EXOC2: variants seen among roughly 807,000 people sequenced by gnomAD.
EXOC2 encodes the protein exocyst complex component 2.
In EXOC2, 70 loss-of-function variants were observed where a neutral mutation model predicts 131.8. The ratio of observed to expected loss-of-function variants is 0.53; its 90% CI spans 0.44 to 0.65. The LOEUF is 0.65. Ranked by LOEUF, EXOC2 falls within the 30% of genes least tolerant of loss-of-function variation. The pLI, the probability that EXOC2 is intolerant of heterozygous loss-of-function variation, is 0.00. For missense variants in EXOC2, 923 were observed against 1,108.6 expected (o/e 0.83, Z 2.38); for synonymous variants, 411 against 398.4 (o/e 1.03, Z -0.38).
chr6:599,565 G>A (rs1200808291), intron 7 of EXOC2, among the ~76,000 whole-genome samples: 1 of 152,006 alleles, frequency 6.6e-6, no homozygotes, highest in African/African-American at 2.4e-5. Flanking sequence ...ATACAATAGG[G>A]TAAAACACAC....
At chr6:495,127 C>CTT (rs11335527) in intron 25 of EXOC2, among the ~76,000 whole-genome samples, 33 of 119,620 alleles carry the variant, frequency 2.8e-4, no homozygotes, top group Middle Eastern at 4.3e-3. Context: ...GGTGAACATT[C>CTT]TTTTTTTTTT....
rs773401230 is a variant in EXOC2, at chr6:497,381, T to C, written c.2545A>G (p.Asn849Asp). 6 of 1,613,840 alleles carry C rather than the reference T, an allele frequency of 3.7e-6. No homozygotes were observed. Among genetic ancestry groups the C allele is most frequent in the Non-Finnish European group, 5.1e-6 (6 of 1,179,894 alleles). Residue 849 changes from asparagine to aspartate, a missense_variant, in exon 25 of 28, where the codon AAT (asparagine) becomes GAT (aspartate). Physicochemically the swap from Asn to Asp is conservative, Grantham distance 23 (BLOSUM62 1). Coordinates refer to ENST00000230449, the MANE Select transcript of EXOC2 (RefSeq NM_018303.6). Reference sequence around the variant, plus strand: ...GATTTTGTTACCTGTAAAGCTCCATTTTTGCTGAAGGATGAAACACACTGC... The same window carrying C: ...GATTTTGTTACCTGTAAAGCTCCATCTTTGCTGAAGGATGAAACACACTGC... ...LMQCVSSFSK[N>D]GALQARLEIC...
At chr6:525,648 T>A (rs1765697071) in intron 23 of EXOC2, 1 of 152,170 alleles carries the variant, frequency 6.6e-6, no homozygotes, top group African/African-American at 2.4e-5. Flanking sequence ...TTTCTTTTTT[T>A]AAAATAAAAA....
At chr6:538,340 T>A (rs1766589495) in intron 22 of EXOC2, among the ~76,000 whole-genome samples, 2 of 152,258 alleles carry the variant, frequency 1.3e-5, no homozygotes, top group African/African-American at 4.8e-5. Context: ...CACTGGCTGC[T>A]GAACATAGAA....
At position 667,723 on chromosome 6, in the gene EXOC2, G is replaced by A. The variant is rs183738862; in HGVS notation, c.-44+25296C>T. ...GGCCTCAGACTGAGAGATACACTGC[G>A]GGCTCCCCTGGTTGAGGCCTTCAAA... is the stretch of plus-strand genomic sequence containing the variant. On this transcript the variant is annotated intron_variant, in intron 1 of 27. Coordinates refer to ENST00000230449, the MANE Select transcript of EXOC2 (RefSeq NM_018303.6). 1.8e-3 allele frequency among the ~76,000 whole-genome samples: 176 copies of A among 99,178 alleles called. 61 individuals are homozygous for A. Among genetic ancestry groups the A allele is most frequent in the Non-Finnish European group, 3.5e-3 (148 of 41,812 alleles). 65.1% of individuals were successfully genotyped at this position (99,178 alleles called of 152,430 possible).
At chr6:651,328 C>T (rs1366520961) in intron 1 of EXOC2, among the ~76,000 whole-genome samples, 2 of 152,050 alleles carry the variant, frequency 1.3e-5, no homozygotes, top group African/African-American at 4.8e-5. Context: ...CCACCGCGCC[C>T]GGCCGTGTTC....
chr6:680,856 TTC>T (rs760920478), intron 1 of EXOC2, among the ~76,000 whole-genome samples: 11 of 152,314 alleles, frequency 7.2e-5, no homozygotes, highest in Non-Finnish European at 1.5e-4. Context: ...TGTCATCATA[TTC>T]TTTCTTCACT....
chr6:615,683 G>A (rs1348868707), intron 6 of EXOC2, among the ~76,000 whole-genome samples: 4 of 146,832 alleles, frequency 2.7e-5, no homozygotes, highest in East Asian at 4.0e-4. Context: ...TCGCACCACC[G>A]CACTCCAGCC....
intron 22 of EXOC2, among the ~76,000 whole-genome samples, chr6:544,705 A>G (rs532244346): frequency 6.6e-6 from 1 of 152,330 alleles, no homozygotes; most frequent in South Asian, 2.1e-4. Context: ...ATAATCAAAC[A>G]TGTAAAATAC....
intron 1 of EXOC2, among the ~76,000 whole-genome samples, chr6:647,810 A>T (rs1407166058): frequency 1.3e-5 from 2 of 151,414 alleles, no homozygotes; most frequent in African/African-American, 2.4e-5. Flanking sequence ...AATCTTAACT[A>T]TGTTACCCTC....
At chr6:490,479 A>G (rs1406517578) in intron 26 of EXOC2, among the ~76,000 whole-genome samples, 7 of 152,138 alleles carry the variant, frequency 4.6e-5, no homozygotes, top group Non-Finnish European at 8.8e-5. Flanking sequence ...AAAATGGAAA[A>G]CGTATTTTCA....
intron 21 of EXOC2, among the ~76,000 whole-genome samples, chr6:553,093 C>T (rs1399461085): frequency 6.6e-6 from 1 of 152,032 alleles, no homozygotes; most frequent in Non-Finnish European, 1.5e-5. Context: ...AATTTTTGTA[C>T]TTTTGGTACA....
intron 23 of EXOC2, among the ~76,000 whole-genome samples, chr6:526,750 T>G (rs1304603831): frequency 1.3e-5 from 2 of 152,078 alleles, no homozygotes; most frequent in Non-Finnish European, 1.5e-5. Context: ...CTTCGTGGAT[T>G]TCTAATGGAG....
chr6:593,604 C>T (rs1030715492), intron 10 of EXOC2, among the ~76,000 whole-genome samples: 2 of 152,204 alleles, frequency 1.3e-5, no homozygotes, highest in Admixed American at 1.3e-4. Context: ...TCAGCCCTCA[C>T]AAAATATATA....
intron 13 of EXOC2, among the ~76,000 whole-genome samples, chr6:566,935 A>G (rs994201163): frequency 6.6e-6 from 1 of 152,204 alleles, no homozygotes; most frequent in African/African-American, 2.4e-5. Flanking sequence ...TCAGGAGCCC[A>G]CTGCGAGCAA....
At position 602,433 on chromosome 6, in the gene EXOC2, ACACCC is replaced by A. The variant is rs1215042241; in HGVS notation, c.743-3213_743-3209del. On this transcript the variant is annotated intron_variant, in intron 7 of 27. Transcript: ENST00000230449. ...ATCCACACACATTCTCACACCAAGA[ACACCC>A]CGTGTGCAAATCCACACACATTCTC... Among the ~76,000 whole-genome samples, 109 of 42,556 alleles carry A rather than the reference ACACCC, an allele frequency of 2.6e-3. 3 individuals are homozygous for A. Among genetic ancestry groups the A allele is most frequent in the Admixed American group, 7.5e-3 (30 of 3,994 alleles). 27.9% of individuals were successfully genotyped at this position (42,556 alleles called of 152,430 possible).
chr6:532,218 G>C (rs941336541), intron 23 of EXOC2, among the ~76,000 whole-genome samples: 2 of 152,154 alleles, frequency 1.3e-5, no homozygotes, highest in African/African-American at 4.8e-5. Context: ...TTACTAAAAC[G>C]ATCAATTATT....
At chr6:625,016 C>T (rs1216173386) in intron 4 of EXOC2, among the ~76,000 whole-genome samples, 3 of 152,186 alleles carry the variant, frequency 2.0e-5, no homozygotes, top group African/African-American at 4.8e-5. Context: ...ATGTTTTCAT[C>T]GAGGAATCGA....
intron 23 of EXOC2, among the ~76,000 whole-genome samples, chr6:509,232 T>C (rs892985632): frequency 2.6e-5 from 4 of 152,244 alleles, no homozygotes; most frequent in African/African-American, 9.6e-5. Flanking sequence ...GGGGAACTTA[T>C]GTTGCCTTTC....
Sources: gnomAD v4.1 joint callset for allele counts (sites outside exome capture counted in the v4.1 genomes callset) on GRCh38, gnomAD v4.1.1 for gene constraint, MANE v1.5 for transcripts, NCBI Gene and HGNC (gene_info 2026-07-23, HGNC 2026-07-21) for gene names.